MEOX2: variants seen among roughly 807,000 people sequenced by gnomAD.
MEOX2 encodes homeobox protein MOX-2.
A neutral mutation model predicts 27.0 loss-of-function variants in MEOX2; 11 were observed. That is an observed-to-expected ratio of 0.41 (90% CI 0.26 to 0.68). MEOX2 has a LOEUF of 0.68. MEOX2 is among the 30% of genes least tolerant of loss of function. MEOX2 has a pLI of 0.33. For synonymous variants in MEOX2, 189 were observed against 155.4 expected (o/e 1.22, Z -1.61); for missense variants, 436 against 385.4 (o/e 1.13, Z -1.10).
intron 2 of MEOX2, among the ~76,000 whole-genome samples, chr7:15,617,878 A>G (rs1246135522): frequency 6.6e-6 from 1 of 152,090 alleles, no homozygotes; most frequent in Non-Finnish European, 1.5e-5. Context: ...TTAAAATTAC[A>G]CATTTCATAT....
intron 1 of MEOX2, among the ~76,000 whole-genome samples, chr7:15,658,719 A>G (rs987717973): frequency 6.6e-6 from 1 of 152,190 alleles, no homozygotes; most frequent in African/African-American, 2.4e-5. Flanking sequence ...CCCTTATAAG[A>G]AAAGATGCAA....
intron 1 of MEOX2, among the ~76,000 whole-genome samples, chr7:15,667,017 T>C (rs1782018613): frequency 6.7e-6 from 1 of 150,170 alleles, no homozygotes; most frequent in African/African-American, 2.4e-5. Flanking sequence ...TAAGGCTGGG[T>C]GCAGTGGCTC....
At chr7:15,663,801 C>A (rs546821740) in intron 1 of MEOX2, among the ~76,000 whole-genome samples, 1 of 152,066 alleles carries the variant, frequency 6.6e-6, no homozygotes, top group Non-Finnish European at 1.5e-5. Flanking sequence ...CAGTAAGAAG[C>A]AAATCATAGC....
At chr7:15,620,555 A>AAAC (rs367693022) in intron 2 of MEOX2, among the ~76,000 whole-genome samples, 95 of 137,598 alleles carry the variant, frequency 6.9e-4, no homozygotes, top group African/African-American at 1.9e-3. Context: ...CCTGGGTGAC[A>AAAC]AACAACAACA....
chr7:15,674,645 C>G (rs1782163586), intron 1 of MEOX2, among the ~76,000 whole-genome samples: 1 of 151,644 alleles, frequency 6.6e-6, no homozygotes, highest in Non-Finnish European at 1.5e-5. Flanking sequence ...GAATAATTAA[C>G]TGTATTTTTG....
intron 1 of MEOX2, among the ~76,000 whole-genome samples, chr7:15,676,960 G>A (rs1015779331): frequency 1.3e-5 from 2 of 152,088 alleles, no homozygotes; most frequent in Non-Finnish European, 2.9e-5. Context: ...CCCAAGAGAA[G>A]AGGAAGTTAG....
chr7:15,679,454 C>T (rs1782258260), intron 1 of MEOX2: 1 of 152,038 alleles, frequency 6.6e-6, no homozygotes, highest in Non-Finnish European at 1.5e-5. Context: ...AGAAAGAAAG[C>T]TTATGAACAC....
intron 1 of MEOX2, chr7:15,676,135 A>G (rs996037753): frequency 1.3e-5 from 2 of 152,192 alleles, no homozygotes. Flanking sequence ...AACGCAGTCA[A>G]CCACCCAGGA....
intron 2 of MEOX2, among the ~76,000 whole-genome samples, chr7:15,619,066 T>C (rs1243103292): frequency 6.6e-6 from 1 of 151,846 alleles, no homozygotes; most frequent in Non-Finnish European, 1.5e-5. Flanking sequence ...CTCTAGAAAA[T>C]TGTCAGTTCT....
chr7:15,676,962 G>C (rs965497865), intron 1 of MEOX2, among the ~76,000 whole-genome samples: 1 of 152,054 alleles, frequency 6.6e-6, no homozygotes, highest in Non-Finnish European at 1.5e-5. Flanking sequence ...CAAGAGAAGA[G>C]GAAGTTAGGA....
At chr7:15,685,765 A>C in intron 1 of MEOX2, 121 bp downstream of exon 1, 1 of 1,371,920 alleles carries the variant, frequency 7.3e-7, no homozygotes, top group Non-Finnish European at 9.8e-7. Flanking sequence ...AGGAAGCCAC[A>C]GAGGGCAACA....
chr7:15,629,362 G>A (rs2115362222), intron 1 of MEOX2, among the ~76,000 whole-genome samples: 1 of 152,130 alleles, frequency 6.6e-6, no homozygotes, highest in South Asian at 2.1e-4. Flanking sequence ...TATACAGCCA[G>A]TGACTGGATT....
intron 2 of MEOX2, among the ~76,000 whole-genome samples, chr7:15,614,836 G>GA (rs1157707708): frequency 6.6e-6 from 1 of 152,160 alleles, no homozygotes. Flanking sequence ...AGACAGTGAA[G>GA]AAAAATATAT....
chr7:15,683,225 G>C (rs1782320260), intron 1 of MEOX2, among the ~76,000 whole-genome samples: 1 of 151,966 alleles, frequency 6.6e-6, no homozygotes, highest in South Asian at 2.1e-4. Context: ...ATTAGAATTA[G>C]CACATACACA....
chr7:15,623,504 G>C (rs1353074528), intron 2 of MEOX2, among the ~76,000 whole-genome samples: 2 of 152,070 alleles, frequency 1.3e-5, no homozygotes, highest in African/African-American at 4.8e-5. Context: ...CATGTACCTA[G>C]GATTATAGGT....
chr7:15,612,474 A>G lies in MEOX2; in HGVS notation c.828T>C (p.Gly276=), dbSNP rs376547857. 2.0e-4 allele frequency: 328 copies of G among 1,613,996 alleles called. No homozygotes were observed. Among genetic ancestry groups the G allele is most frequent in the Non-Finnish European group, 2.5e-4 (298 of 1,180,022 alleles). The change falls in exon 3 of 3, where the codon GGT becomes GGC. Residue 276 remains glycine, a synonymous_variant. Coordinates refer to ENST00000262041, the MANE Select transcript of MEOX2 (RefSeq NM_005924.5). The stretch of plus-strand genomic sequence containing the variant: ...CCCCTGTTTGCTGGAGGGTGGCTGC[A>G]CCAATTCCCGACAGCTCTGATGGGA... ...TLLPSELSGI[G]AATLQQTGDS...
chr7:15,621,945 C>G (rs528661327), intron 2 of MEOX2, among the ~76,000 whole-genome samples: 3 of 152,030 alleles, frequency 2.0e-5, no homozygotes, highest in African/African-American at 7.2e-5. Context: ...GGTGAAACCC[C>G]GTCCCTACTA....
intron 1 of MEOX2, among the ~76,000 whole-genome samples, chr7:15,645,407 C>A (rs1417545086): frequency 6.6e-6 from 1 of 152,018 alleles, no homozygotes; most frequent in Non-Finnish European, 1.5e-5. Flanking sequence ...CAAGGAGAAA[C>A]CAAACACCCT....
chr7:15,672,699 T>C (rs777251719), intron 1 of MEOX2, among the ~76,000 whole-genome samples: 6 of 152,068 alleles, frequency 3.9e-5, no homozygotes, highest in East Asian at 3.9e-4. Context: ...AAGACCATCC[T>C]GGCTAAAATG....
Sources: gnomAD v4.1 joint callset for allele counts (sites outside exome capture counted in the v4.1 genomes callset) on GRCh38, gnomAD v4.1.1 for gene constraint, MANE v1.5 for transcripts, NCBI Gene and HGNC (gene_info 2026-07-23, HGNC 2026-07-21) for gene names.